Variants in MTHFS observed in about 807,000 individuals in gnomAD.
MTHFS encodes the protein 5-formyltetrahydrofolate cyclo-ligase.
A neutral mutation model predicts 12.7 loss-of-function variants in MTHFS; 7 were observed. That is an observed-to-expected ratio of 0.55 (90% CI 0.31 to 1.03). MTHFS has a LOEUF of 1.03. Ranked by LOEUF, MTHFS falls within the 50% of genes least tolerant of loss-of-function variation. MTHFS has a pLI of 0.05. For synonymous variants in MTHFS, 100 were observed against 97.1 expected, an observed-to-expected ratio of 1.03 and a Z score of -0.18; for missense variants, 252 against 258.1, an observed-to-expected ratio of 0.98 and a Z score of 0.16.
intron 2 of MTHFS, among the ~76,000 whole-genome samples, chr15:79,864,714 C>G (rs1184856251): frequency 6.6e-6 from 1 of 152,032 alleles, no homozygotes; most frequent in East Asian, 1.9e-4. Context: ...TACCCCCTTG[C>G]TTGGCACAGT....
chr15:79,867,738 G>A (rs889421254), intron 2 of MTHFS, among the ~76,000 whole-genome samples: 1 of 152,242 alleles, frequency 6.6e-6, no homozygotes, highest in Non-Finnish European at 1.5e-5. Flanking sequence ...TAATGTTTTA[G>A]AGAAAGTTTC....
intron 2 of MTHFS, among the ~76,000 whole-genome samples, chr15:79,861,890 T>C (rs1372558919): frequency 1.3e-5 from 2 of 152,324 alleles, no homozygotes; most frequent in Non-Finnish European, 2.9e-5. Context: ...CAAATATATA[T>C]ATCTAGAAGG....
chr15:79,889,307 A>T lies in MTHFS; in HGVS notation c.165T>A (p.Phe55Leu). Residue 55 changes from phenylalanine (F) to leucine (L), a missense_variant, in exon 2 of 3, where the codon TTT (phenylalanine) becomes TTA (leucine). Transcript: ENST00000258874. ...EYQKSKRISI[F>L]LSMQDEIETE... Reference sequence around the variant, plus strand: ...TCTCAATTTCATCTTGCATGCTCAGAAAGATGGAAATTCTTTTGGACTTTT... The same window carrying T: ...TCTCAATTTCATCTTGCATGCTCAGTAAGATGGAAATTCTTTTGGACTTTT... 6.2e-6 allele frequency: 10 copies of T among 1,614,158 alleles called. No individual in the cohort carries two copies. The highest frequency in any genetic ancestry group is 7.6e-6 in the Non-Finnish European group (9 of 1,180,034).
intron 2 of MTHFS, among the ~76,000 whole-genome samples, chr15:79,868,485 A>T (rs1173687406): frequency 6.6e-6 from 1 of 152,360 alleles, no homozygotes; most frequent in African/African-American, 2.4e-5. Context: ...TTATGCATCA[A>T]CTTAATTGGG....
intron 1 of MTHFS, 194 bp downstream of exon 1, chr15:79,896,678 C>T: frequency 9.6e-7 from 1 of 1,042,392 alleles, no homozygotes; most frequent in Non-Finnish European, 1.3e-6. Flanking sequence ...GCCCTCTCCC[C>T]GCCATAGTGC....
intron 2 of MTHFS, among the ~76,000 whole-genome samples, chr15:79,886,103 G>T (rs1252109157): frequency 2.0e-5 from 3 of 152,116 alleles, no homozygotes; most frequent in African/African-American, 7.2e-5. Flanking sequence ...ATAGCCCATG[G>T]GAAATTTTTG....
intron 2 of MTHFS, among the ~76,000 whole-genome samples, chr15:79,868,243 C>A (rs1293139209): frequency 1.3e-5 from 2 of 152,120 alleles, no homozygotes; most frequent in Non-Finnish European, 2.9e-5. Flanking sequence ...TCACCTTTTT[C>A]TTTCCAATTT....
intron 1 of MTHFS, among the ~76,000 whole-genome samples, chr15:79,890,947 C>T (rs186969124): frequency 1.1e-3 from 172 of 152,198 alleles, no homozygotes; most frequent in Admixed American, 2.7e-3. Flanking sequence ...TATAGAAGAT[C>T]GAGAGTTGAA....
At chr15:79,878,296 G>A (rs62027990) in intron 2 of MTHFS, 17,642 of 151,678 alleles carry the variant, frequency 0.12, 1,208 homozygotes, top group Middle Eastern at 0.19. Context: ...AGACCCAGCA[G>A]ACTCAACATC....
At chr15:79,849,243 T>C (rs139786341) in intron 2 of MTHFS, among the ~76,000 whole-genome samples, 50 of 152,312 alleles carry the variant, frequency 3.3e-4, no homozygotes, top group Non-Finnish European at 5.6e-4. Flanking sequence ...CCTTAAGATA[T>C]ACTTCCTAGT....
At chr15:79,879,429 G>A (rs2034258784) in intron 2 of MTHFS, among the ~76,000 whole-genome samples, 2 of 143,368 alleles carry the variant, frequency 1.4e-5, no homozygotes, top group South Asian at 4.5e-4. Context: ...CTGGGTTCAA[G>A]CAATTCTCCT....
At chr15:79,859,350 T>C (rs1049322014) in intron 2 of MTHFS, among the ~76,000 whole-genome samples, 11 of 152,230 alleles carry the variant, frequency 7.2e-5, no homozygotes, top group African/African-American at 1.7e-4. Flanking sequence ...TCTATATTCA[T>C]CAAAATACTA....
chr15:79,870,659 T>C (rs768973021), intron 2 of MTHFS, among the ~76,000 whole-genome samples: 14 of 152,114 alleles, frequency 9.2e-5, no homozygotes, highest in Non-Finnish European at 1.9e-4. Flanking sequence ...GAAGATATGC[T>C]ATAACAGTAG....
In MTHFS at chr15:79,884,871, G is replaced by C. The variant is rs76369112; in HGVS notation, c.379+4222C>G. On this transcript the variant is annotated intron_variant, in intron 2 of 2. Transcript: ENST00000258874. ...GCCAGCACAAACCTGCTTCTGTGAG[G>C]ACAATAGGCTAGTTAACTCCAAAAC... Among the ~76,000 whole-genome samples, 3 of 152,242 alleles carry C rather than the reference G, an allele frequency of 2.0e-5. No homozygotes were observed. The East Asian group carries it at 5.8e-4, about 29-fold the overall frequency.
chr15:79,863,390 A>G (rs1288600825), intron 2 of MTHFS, among the ~76,000 whole-genome samples: 1 of 152,170 alleles, frequency 6.6e-6, no homozygotes, highest in Non-Finnish European at 1.5e-5. Flanking sequence ...CACCTACAAA[A>G]TAAAGTTCAA....
intron 1 of MTHFS, among the ~76,000 whole-genome samples, chr15:79,891,097 G>C (rs1188405711): frequency 6.6e-6 from 1 of 152,150 alleles, no homozygotes; most frequent in Non-Finnish European, 1.5e-5. Context: ...TAAGAGAATA[G>C]AGACCTAATT....
intron 2 of MTHFS, among the ~76,000 whole-genome samples, chr15:79,886,590 G>A (rs1433302869): frequency 6.6e-6 from 1 of 151,152 alleles, no homozygotes. Context: ...GGGTTTTTTT[G>A]GTGGACGTTT....
chr15:79,897,053 C>T, upstream of MTHFS: 1 of 1,434,684 alleles, frequency 7.0e-7, no homozygotes, highest in Non-Finnish European at 9.1e-7. Context: ...TCGGTCTCCG[C>T]CCCTGGCCGC....
At chr15:79,845,470 G>C (rs1596058124) in intron 2 of MTHFS, 28 bp from the exon 3 acceptor site, 1 of 1,597,924 alleles carries the variant, frequency 6.3e-7, no homozygotes. Flanking sequence ...AAATTTAAGA[G>C]GATTAATTGT....
Sources: allele counts gnomAD v4.1 joint callset (sites outside exome capture counted in the v4.1 genomes callset), GRCh38; gene constraint gnomAD v4.1.1; transcripts MANE v1.5; gene names NCBI Gene and HGNC (gene_info 2026-07-23, HGNC 2026-07-21).